NFIA: variants seen among roughly 807,000 people sequenced by gnomAD.
NFIA encodes nuclear factor I A.
In NFIA, 8 loss-of-function variants were observed where a neutral mutation model predicts 62.8. The ratio of observed to expected loss-of-function variants is 0.13; its 90% CI spans 0.07 to 0.23. The LOEUF (loss-of-function observed/expected upper bound fraction) is 0.23. NFIA is among the 10% of genes least tolerant of loss of function. The pLI is 1.00. For missense variants in NFIA, 410 were observed against 642.1 expected (o/e 0.64, Z 3.91); for synonymous variants, 235 against 238.1 (o/e 0.99, Z 0.12).
chr1:61,139,287 C>T (rs1317702025), intron 2 of NFIA, among the ~76,000 whole-genome samples: 1 of 152,148 alleles, frequency 6.6e-6, no homozygotes, highest in East Asian at 1.9e-4. Flanking sequence ...AAAAAACATG[C>T]AGAGGATAGT....
At chr1:61,291,865 T>C (rs965573536) in intron 3 of NFIA, among the ~76,000 whole-genome samples, 1 of 152,208 alleles carries the variant, frequency 6.6e-6, no homozygotes, top group African/African-American at 2.4e-5. Flanking sequence ...TACTACATAA[T>C]ATATGTATTA....
At chr1:61,341,602 C>G (rs1273995816) in intron 4 of NFIA, among the ~76,000 whole-genome samples, 2 of 152,098 alleles carry the variant, frequency 1.3e-5, no homozygotes, top group African/African-American at 2.4e-5. Context: ...CTCAGCCTTC[C>G]CAGTAGCCGG....
rs1660799071 is a variant in NFIA, at chr1:61,323,899, C to T, written c.626-8613C>T. Among the ~76,000 whole-genome samples, 3 of 152,150 alleles carry T rather than the reference C, an allele frequency of 2.0e-5. No individual in the cohort carries two copies. In the South Asian group the frequency reaches 6.2e-4, roughly 32 times the overall value. On this transcript the variant is annotated intron_variant, in intron 3 of 10. Coordinates refer to ENST00000403491, the MANE Select transcript of NFIA (RefSeq NM_001134673.4). ...ATGTGAGATAATGAGACCCAACCCT[C>T]CCCTCCCCGGTTTGTTGTAGGAGTG...
chr1:61,446,609 G>C (rs1667822837), intron 10 of NFIA, among the ~76,000 whole-genome samples: 1 of 152,250 alleles, frequency 6.6e-6, no homozygotes, highest in African/African-American at 2.4e-5. Context: ...AAAGGTGGCA[G>C]ATGCTATCCA....
chr1:61,149,107 G>A (rs1434774252), intron 2 of NFIA, among the ~76,000 whole-genome samples: 3 of 149,036 alleles, frequency 2.0e-5, no homozygotes, highest in Non-Finnish European at 4.4e-5. Context: ...TGTTGACCAG[G>A]CTGGTCTCGA....
chr1:61,429,426 G>GCCT (rs1667005765), intron 10 of NFIA, among the ~76,000 whole-genome samples: 1 of 152,166 alleles, frequency 6.6e-6, no homozygotes, highest in South Asian at 2.1e-4. Flanking sequence ...TCTAACCACT[G>GCCT]TATTATGTTA....
intron 2 of NFIA, among the ~76,000 whole-genome samples, chr1:61,237,741 C>T (rs910149798): frequency 2.0e-5 from 3 of 152,056 alleles, no homozygotes; most frequent in Non-Finnish European, 1.5e-5. Context: ...TGCTGTAGGA[C>T]CTTGATTTAC....
At chr1:61,191,480 A>G (rs922974493) in intron 2 of NFIA, among the ~76,000 whole-genome samples, 4 of 151,700 alleles carry the variant, frequency 2.6e-5, no homozygotes, top group African/African-American at 4.8e-5. Context: ...TCCCTTTCCC[A>G]GCACCATTTA....
At chr1:61,428,123 G>T (rs990655562) in intron 10 of NFIA, among the ~76,000 whole-genome samples, 2 of 152,102 alleles carry the variant, frequency 1.3e-5, no homozygotes, top group African/African-American at 4.8e-5. Flanking sequence ...GAAATGTCCT[G>T]TTTGTATTTT....
intron 7 of NFIA, among the ~76,000 whole-genome samples, chr1:61,386,254 G>A (rs11808404): frequency 0.011 from 1,750 of 152,224 alleles, 35 homozygotes; most frequent in African/African-American, 0.038. Context: ...AAGAGTCAGT[G>A]TGGAATCGAT....
intron 2 of NFIA, among the ~76,000 whole-genome samples, chr1:61,204,704 T>C (rs1326897849): frequency 1.3e-5 from 2 of 152,130 alleles, no homozygotes; most frequent in African/African-American, 4.8e-5. Flanking sequence ...CTGAAGATAG[T>C]GAGGCTATCT....
In NFIA at chr1:61,186,717, A is replaced by G. The variant is rs929359746; in HGVS notation, c.560-90803A>G. Among the ~76,000 whole-genome samples, 7 of 152,352 alleles carry G rather than the reference A, an allele frequency of 4.6e-5. No individual in the cohort carries two copies. In the East Asian group the frequency reaches 1.3e-3, roughly 29 times the overall value. Reference sequence around the variant, plus strand: ...GTCCCCTAGAGATAATAATAAAATAATAGCAACGGATACCTATGTACTTCT... The same window carrying G: ...GTCCCCTAGAGATAATAATAAAATAGTAGCAACGGATACCTATGTACTTCT... On this transcript the variant is annotated intron_variant, in intron 2 of 10. Transcript: ENST00000403491.
At chr1:61,402,504 T>G (rs577804157) in intron 7 of NFIA, among the ~76,000 whole-genome samples, 1 of 152,282 alleles carries the variant, frequency 6.6e-6, no homozygotes, top group African/African-American at 2.4e-5. Flanking sequence ...AGTGCCAGAC[T>G]CAGTTCTGGG....
intron 2 of NFIA, among the ~76,000 whole-genome samples, chr1:61,244,406 T>C (rs1655523770): frequency 6.6e-6 from 1 of 152,214 alleles, no homozygotes; most frequent in Non-Finnish European, 1.5e-5. Flanking sequence ...CATTCTTTTG[T>C]AGGCTTTCCT....
At chr1:61,175,695 CAT>C (rs1216687838) in intron 2 of NFIA, among the ~76,000 whole-genome samples, 2 of 152,166 alleles carry the variant, frequency 1.3e-5, no homozygotes, top group African/African-American at 4.8e-5. Context: ...TTTATTGTCA[CAT>C]GTCATAGTCT....
chr1:61,381,359 T>C (rs1664404957), intron 6 of NFIA, among the ~76,000 whole-genome samples: 1 of 152,150 alleles, frequency 6.6e-6, no homozygotes, highest in South Asian at 2.1e-4. Flanking sequence ...TAACCTTAGG[T>C]TAGGTTATCT....
chr1:61,318,281 A>G (rs983569365), intron 3 of NFIA, among the ~76,000 whole-genome samples: 1 of 152,182 alleles, frequency 6.6e-6, no homozygotes, highest in African/African-American at 2.4e-5. Flanking sequence ...CTTCATTTTA[A>G]GGGAAGTTTT....
chr1:61,413,381 T>G (rs1289941474), intron 9 of NFIA, among the ~76,000 whole-genome samples: 3 of 152,148 alleles, frequency 2.0e-5, no homozygotes, highest in Non-Finnish European at 4.4e-5. Context: ...TTATCCCATC[T>G]TCTCAACACT....
chr1:61,294,582 G>A (rs1375555239), intron 3 of NFIA, among the ~76,000 whole-genome samples: 5 of 152,226 alleles, frequency 3.3e-5, no homozygotes, highest in Non-Finnish European at 5.9e-5. Context: ...TTACATTTAT[G>A]TGTGTGATTT....
Sources: gnomAD v4.1 joint callset for allele counts (sites outside exome capture counted in the v4.1 genomes callset) on GRCh38, gnomAD v4.1.1 for gene constraint, MANE v1.5 for transcripts, NCBI Gene and HGNC (gene_info 2026-07-23, HGNC 2026-07-21) for gene names.